MACROD2: variants seen among roughly 807,000 people sequenced by gnomAD.
MACROD2 encodes mono-ADP ribosylhydrolase 2.
Under a neutral mutation model 70.4 loss-of-function variants are expected in MACROD2, and 36 were observed. The observed-to-expected ratio is 0.51, with a 90% CI of 0.39 to 0.68. The LOEUF is 0.68. MACROD2 is among the 30% of genes least tolerant of loss of function. The pLI is 0.00. For missense variants in MACROD2, 496 were observed against 538.4 expected, an observed-to-expected ratio of 0.92 and a Z score of 0.78; for synonymous variants, 172 against 178.8, an observed-to-expected ratio of 0.96 and a Z score of 0.30.
intron 5 of MACROD2, among the ~76,000 whole-genome samples, chr20:15,057,461 C>T (rs1336058054): frequency 6.6e-6 from 1 of 152,128 alleles, no homozygotes; most frequent in Non-Finnish European, 1.5e-5. Flanking sequence ...TTGTTCTGGG[C>T]AAATGAGCAG....
At chr20:15,048,121 A>AAATAAATAAATAAATAAAGAAAT (rs562714078) in intron 5 of MACROD2, among the ~76,000 whole-genome samples, 1 of 149,714 alleles carries the variant, frequency 6.7e-6, no homozygotes, top group African/African-American at 2.5e-5. Context: ...AATAAATAAT[A>AAATAAATAAATAAATAAAGAAAT]AAAAATTAGC....
intron 3 of MACROD2, among the ~76,000 whole-genome samples, chr20:14,463,875 G>T (rs1276688057): frequency 6.6e-6 from 1 of 151,958 alleles, no homozygotes; most frequent in Admixed American, 6.6e-5. Context: ...TGCATCCCAG[G>T]GATGAAGCCC....
chr20:15,465,662 C>T (rs1257269420), intron 7 of MACROD2, among the ~76,000 whole-genome samples: 4 of 152,206 alleles, frequency 2.6e-5, no homozygotes, highest in Admixed American at 6.5e-5. Flanking sequence ...CATGAGAAAA[C>T]GGGGCAACCC....
At chr20:15,658,117 ATAAT>A (rs1420399357) in intron 8 of MACROD2, among the ~76,000 whole-genome samples, 2 of 152,244 alleles carry the variant, frequency 1.3e-5, no homozygotes, top group Non-Finnish European at 2.9e-5. Flanking sequence ...CTTGAGATTA[ATAAT>A]TAAATAATAA....
At chr20:15,362,945 G>A (rs1291137279) in intron 6 of MACROD2, among the ~76,000 whole-genome samples, 1 of 151,404 alleles carries the variant, frequency 6.6e-6, no homozygotes, top group Non-Finnish European at 1.5e-5. Context: ...AGAGGGGAAA[G>A]GGGAGGGGAG....
chr20:14,527,623 G>C (rs1213221285), intron 4 of MACROD2, among the ~76,000 whole-genome samples: 3 of 152,190 alleles, frequency 2.0e-5, no homozygotes, highest in Admixed American at 6.5e-5. Context: ...TGAATACTCT[G>C]GGGACAATGT....
chr20:15,127,148 C>G (rs2076072930), intron 5 of MACROD2, among the ~76,000 whole-genome samples: 1 of 152,020 alleles, frequency 6.6e-6, no homozygotes, highest in Non-Finnish European at 1.5e-5. Flanking sequence ...AAGCAGAAAA[C>G]TTTTCTGATT....
At chr20:14,077,669 C>G (rs534532523) in intron 2 of MACROD2, among the ~76,000 whole-genome samples, 2 of 151,994 alleles carry the variant, frequency 1.3e-5, no homozygotes, top group Non-Finnish European at 2.9e-5. Flanking sequence ...AAATGTAGGA[C>G]GAAATCTGAA....
chr20:14,720,569 T>TTTTTTTTTTTTTTTTTTGTGTGTG, intron 5 of MACROD2, among the ~76,000 whole-genome samples: 1 of 84,160 alleles, frequency 1.2e-5, no homozygotes, highest in African/African-American at 4.7e-5. Context: ...TTTTTTTTTT[T>TTTTTTTTTTTTTTTTTTGTGTGTG]TGTGAGGCAG....
intron 3 of MACROD2, among the ~76,000 whole-genome samples, chr20:14,133,737 A>G (rs2054751069): frequency 6.6e-6 from 1 of 152,164 alleles, no homozygotes; most frequent in Non-Finnish European, 1.5e-5. Context: ...ATATATCTGT[A>G]TTTTGCATAC....
At chr20:14,248,586 A>C (rs1184746218) in intron 3 of MACROD2, among the ~76,000 whole-genome samples, 4 of 151,792 alleles carry the variant, frequency 2.6e-5, no homozygotes, top group Non-Finnish European at 5.9e-5. Flanking sequence ...CTGTCTCAAA[A>C]TAATAATAAT....
chr20:15,341,188 C>T (rs575497414), intron 6 of MACROD2, among the ~76,000 whole-genome samples: 9 of 152,228 alleles, frequency 5.9e-5, no homozygotes, highest in Admixed American at 2.6e-4. Context: ...GTACATAAAA[C>T]GGTTAGAAAG....
At chr20:14,507,151 A>G (rs1184534317) in intron 4 of MACROD2, among the ~76,000 whole-genome samples, 2 of 152,236 alleles carry the variant, frequency 1.3e-5, no homozygotes, top group African/African-American at 2.4e-5. Flanking sequence ...TTTAATGGGT[A>G]CAGGGTTTCA....
At chr20:14,717,168 A>G (rs2071406253) in intron 5 of MACROD2, among the ~76,000 whole-genome samples, 1 of 152,166 alleles carries the variant, frequency 6.6e-6, no homozygotes, top group South Asian at 2.1e-4. Flanking sequence ...ATAATAGTTA[A>G]TTTTTTAAAG....
At chr20:15,360,042 A>G (rs1396485567) in intron 6 of MACROD2, among the ~76,000 whole-genome samples, 6 of 152,144 alleles carry the variant, frequency 3.9e-5, no homozygotes, top group South Asian at 2.1e-4. Flanking sequence ...ACAATCACAA[A>G]TCTATCTACC....
chr20:14,973,846 T>A (rs570499657), intron 5 of MACROD2, among the ~76,000 whole-genome samples: 1 of 152,236 alleles, frequency 6.6e-6, no homozygotes, highest in African/African-American at 2.4e-5. Flanking sequence ...GTCAAAGACA[T>A]TTTTACTATT....
intron 8 of MACROD2, among the ~76,000 whole-genome samples, chr20:15,566,005 G>T (rs1359254624): frequency 2.6e-5 from 4 of 152,108 alleles, no homozygotes; most frequent in Admixed American, 6.5e-5. Flanking sequence ...ACTCAGGCAC[G>T]TGATCTCTGA....
chr20:14,497,553 T>C (rs773469219), intron 4 of MACROD2, among the ~76,000 whole-genome samples: 4 of 151,738 alleles, frequency 2.6e-5, no homozygotes, highest in South Asian at 2.1e-4. Context: ...TTGTTTTTCA[T>C]TGACGTAATA....
At chr20:14,762,959 C>G (rs1482991042) in intron 5 of MACROD2, among the ~76,000 whole-genome samples, 1 of 151,806 alleles carries the variant, frequency 6.6e-6, no homozygotes, top group Non-Finnish European at 1.5e-5. Flanking sequence ...AAACAAAAAA[C>G]ATAAATGACA....
Sources: gnomAD v4.1 joint callset for allele counts (sites outside exome capture counted in the v4.1 genomes callset) on GRCh38, gnomAD v4.1.1 for gene constraint, MANE v1.5 for transcripts, NCBI Gene and HGNC (gene_info 2026-07-23, HGNC 2026-07-21) for gene names.